The following TLL1 variants were observed in gnomAD, a reference collection of about 807,000 sequenced individuals.
TLL1 encodes tolloid like 1, also known as tolloid-like protein 1.
In TLL1, 49 loss-of-function variants were observed where a neutral mutation model predicts 128.2. The ratio of observed to expected loss-of-function variants is 0.38; its 90% CI spans 0.30 to 0.48. The LOEUF is 0.48. TLL1 is among the 20% of genes least tolerant of loss of function. The probability of loss-of-function intolerance (pLI) is 0.96; values close to 1 mark genes in which losing one functional copy is unlikely to be tolerated. For synonymous variants in TLL1, 454 were observed against 418.8 expected (o/e 1.08, Z -1.03); for missense variants, 1,123 against 1,242.0 (o/e 0.90, Z 1.44).
At chr4:166,085,824 G>C (rs1741484720) in intron 18 of TLL1, among the ~76,000 whole-genome samples, 1 of 151,972 alleles carries the variant, frequency 6.6e-6, no homozygotes, top group Admixed American at 6.6e-5. Context: ...TTAGAAGCAA[G>C]GAAAAGAAAA....
intron 1 of TLL1, among the ~76,000 whole-genome samples, chr4:165,908,852 G>C (rs1052013722): frequency 2.6e-5 from 4 of 152,098 alleles, no homozygotes; most frequent in Non-Finnish European, 5.9e-5. Context: ...ATGGATTCTG[G>C]ATGTATTTTG....
At chr4:166,012,649 G>C (rs1417779802) in intron 7 of TLL1, among the ~76,000 whole-genome samples, 1 of 151,614 alleles carries the variant, frequency 6.6e-6, no homozygotes, top group East Asian at 1.9e-4. Flanking sequence ...CAAGTTACAA[G>C]GCCTTTCTCA....
In TLL1 at chr4:166,044,268, T is replaced by C; in HGVS notation, c.1524+849T>C. The C allele has an allele frequency of 3.2e-6, 3 of 932,682 alleles. No homozygotes were observed. The South Asian group carries it at 4.8e-5, about 15-fold the overall frequency. 57.8% of individuals were successfully genotyped at this position (932,682 alleles called of 1,614,324 possible). A position where few individuals can be genotyped will look rare whatever the true frequency, so the allele number is the denominator to read the frequency against. On this transcript the variant is annotated intron_variant, in intron 12 of 20. Coordinates refer to ENST00000061240, the MANE Select transcript of TLL1 (RefSeq NM_012464.5). ...AATTCACTAAGTGATCAGAAGGTAGTCATGAGCCCTACTACCCAGTGGGTA... is the reference window on the plus strand; with the variant it reads ...AATTCACTAAGTGATCAGAAGGTAGCCATGAGCCCTACTACCCAGTGGGTA...
intron 1 of TLL1, among the ~76,000 whole-genome samples, chr4:165,939,020 A>T (rs934083116): frequency 1.4e-5 from 2 of 138,468 alleles, no homozygotes; most frequent in African/African-American, 3.3e-5. Context: ...TTTTTTTTTT[A>T]AAGTTGAATA....
At chr4:165,936,402 G>C (rs2110915331) in intron 1 of TLL1, among the ~76,000 whole-genome samples, 1 of 150,846 alleles carries the variant, frequency 6.6e-6, no homozygotes, top group African/African-American at 2.4e-5. Flanking sequence ...AATAGAGACG[G>C]AGTTTCGCCA....
intron 1 of TLL1, among the ~76,000 whole-genome samples, chr4:165,906,218 GGCCCTTTAAGAAAAT>G (rs1283425503): frequency 6.6e-6 from 1 of 151,862 alleles, no homozygotes; most frequent in Non-Finnish European, 1.5e-5. Flanking sequence ...TTTATTTTTC[GGCCCTTTAAGAAAAT>G]GCATGTTAAC....
intron 15 of TLL1, 47 bp from the exon 16 acceptor site, chr4:166,065,636 A>G (rs200639513): frequency 6.3e-7 from 1 of 1,577,472 alleles, no homozygotes; most frequent in African/African-American, 1.3e-5. Context: ...AATGTCAATC[A>G]TCTTGTACTC....
rs537958273 is a variant in TLL1 at position 166,021,852 on chromosome 4, T to A, written c.1043-3464T>A. On this transcript the variant is annotated intron_variant, in intron 8 of 20. Coordinates refer to ENST00000061240, the MANE Select transcript of TLL1 (RefSeq NM_012464.5). ...CTCTTGCCTTTATTTTTATATCCTA[T>A]CTGTTCTCCAGCTATGCTGCTTGTT... Among the ~76,000 whole-genome samples, 24 of 152,254 alleles carry A rather than the reference T, an allele frequency of 1.6e-4. No individual in the cohort carries two copies. In the South Asian group the frequency reaches 4.8e-3, roughly 30 times the overall value.
intron 9 of TLL1, among the ~76,000 whole-genome samples, chr4:166,031,711 A>G (rs1560823677): frequency 6.6e-6 from 1 of 152,116 alleles, no homozygotes; most frequent in Non-Finnish European, 1.5e-5. Flanking sequence ...TTTCAATGTT[A>G]TAAAATATGT....
intron 17 of TLL1, among the ~76,000 whole-genome samples, chr4:166,075,970 C>T (rs1256322776): frequency 6.6e-6 from 1 of 152,066 alleles, no homozygotes; most frequent in Non-Finnish European, 1.5e-5. Flanking sequence ...TCTTTCTCTG[C>T]TTTCATGGAT....
intron 1 of TLL1, among the ~76,000 whole-genome samples, chr4:165,921,563 C>G (rs575362502): frequency 2.6e-5 from 4 of 152,092 alleles, no homozygotes; most frequent in Admixed American, 6.5e-5. Context: ...CTTTATACCC[C>G]GGGGACCCTT....
At chr4:166,022,309 C>A (rs142189714) in intron 8 of TLL1, among the ~76,000 whole-genome samples, 5,568 of 152,070 alleles carry the variant, frequency 0.037, 113 homozygotes, top group Middle Eastern at 0.054. Flanking sequence ...ATTAAAAGTG[C>A]CTGCCGCCAC....
chr4:166,047,289 C>T (rs1042089965), intron 12 of TLL1, among the ~76,000 whole-genome samples: 15 of 151,458 alleles, frequency 9.9e-5, no homozygotes, highest in East Asian at 7.8e-4. Context: ...CTCAGCCTCC[C>T]GAGTAGCTGG....
chr4:165,975,701 G>C (rs1385530740), intron 1 of TLL1, among the ~76,000 whole-genome samples: 1 of 152,046 alleles, frequency 6.6e-6, no homozygotes, highest in Non-Finnish European at 1.5e-5. Flanking sequence ...GAATCTTTTA[G>C]CTAAAACCAT....
intron 1 of TLL1, among the ~76,000 whole-genome samples, chr4:165,956,789 T>A (rs1734820571): frequency 6.6e-6 from 1 of 152,078 alleles, no homozygotes; most frequent in Admixed American, 6.6e-5. Flanking sequence ...AAAGTATAAT[T>A]TGGGAACTGA....
intron 2 of TLL1, among the ~76,000 whole-genome samples, chr4:165,992,162 A>G (rs570942455): frequency 6.6e-6 from 1 of 152,068 alleles, no homozygotes; most frequent in Non-Finnish European, 1.5e-5. Context: ...TCTGTTTTTT[A>G]TAAATTTTTC....
At chr4:166,028,354 T>G (rs17505723) in intron 9 of TLL1, among the ~76,000 whole-genome samples, 19,910 of 152,072 alleles carry the variant, frequency 0.13, 1,320 homozygotes, top group South Asian at 0.15. Context: ...AATCATCCTT[T>G]TCCTATTTAT....
chr4:165,996,270 C>T (rs1451805463), intron 5 of TLL1, among the ~76,000 whole-genome samples: 1 of 152,066 alleles, frequency 6.6e-6, no homozygotes, highest in Non-Finnish European at 1.5e-5. Context: ...ATACCCAGCC[C>T]ACTACTTTAC....
intron 9 of TLL1, among the ~76,000 whole-genome samples, chr4:166,039,118 T>C (rs1422116694): frequency 6.6e-6 from 1 of 152,168 alleles, no homozygotes. Flanking sequence ...ACTACTCATA[T>C]TGTACTTCTC....
Sources: gnomAD v4.1 joint callset for allele counts (sites outside exome capture counted in the v4.1 genomes callset) on GRCh38, gnomAD v4.1.1 for gene constraint, MANE v1.5 for transcripts, NCBI Gene and HGNC (gene_info 2026-07-23, HGNC 2026-07-21) for gene names.